KDM3B: variants seen among roughly 807,000 people sequenced by gnomAD.
The protein encoded by KDM3B is lysine-specific demethylase 3B.
In KDM3B, 10 loss-of-function variants were observed where a neutral mutation model predicts 170.0. The observed-to-expected ratio is 0.06, with a 90% confidence interval of 0.04 to 0.10. KDM3B has a LOEUF of 0.10. KDM3B is among the 10% of genes least tolerant of loss of function. The probability of loss-of-function intolerance (pLI) is 1.00; values close to 1 mark genes in which losing one functional copy is unlikely to be tolerated. For synonymous variants in KDM3B, 831 were observed against 834.8 expected (o/e 1.00, Z 0.08); for missense variants, 1,394 against 2,195.2 (o/e 0.64, Z 7.29).
chr5:138,390,312 A>G (rs1397391729), intron 7 of KDM3B, among the ~76,000 whole-genome samples: 2 of 152,104 alleles, frequency 1.3e-5, no homozygotes, highest in African/African-American at 4.8e-5. Context: ...TTGGATTCTT[A>G]TTAGATTCTA....
intron 11 of KDM3B, among the ~76,000 whole-genome samples, chr5:138,414,399 T>C (rs1311250180): frequency 6.6e-6 from 1 of 151,954 alleles, no homozygotes; most frequent in Non-Finnish European, 1.5e-5. Flanking sequence ...TCTCCTGACG[T>C]CATGATCCGC....
intron 7 of KDM3B, 77 bp from the exon 8 acceptor site, chr5:138,390,936 A>G (rs1245122629): frequency 7.5e-7 from 1 of 1,339,938 alleles, no homozygotes; most frequent in Non-Finnish European, 1.0e-6. Context: ...TGATCTGGTG[A>G]TAGTGAGGTC....
intron 1 of KDM3B, 59 bp from the exon 2 acceptor site, chr5:138,372,615 T>C (rs1265556556): frequency 7.1e-7 from 1 of 1,415,146 alleles, no homozygotes; most frequent in Non-Finnish European, 9.8e-7. Flanking sequence ...TGTTCATTTA[T>C]AAGTATAGTG....
At position 138,391,807 on chromosome 5, in the gene KDM3B, C is replaced by T; in HGVS notation, c.2175C>T (p.Ser725=). 1 of 1,614,100 alleles carries T rather than the reference C, an allele frequency of 6.2e-7. No individual in the cohort carries two copies. Among genetic ancestry groups the T allele is most frequent in the Non-Finnish European group, 8.5e-7 (1 of 1,180,020 alleles). ...PSLSAMGNGR[S]SSPTSSLTQP... is the part of the protein sequence containing the mutation. Reference sequence around the variant, plus strand: ...TCTCTGCCATGGGGAATGGCCGCTCCAGCTCGCCCACCAGCAGCCTCACTC... The same window carrying T: ...TCTCTGCCATGGGGAATGGCCGCTCTAGCTCGCCCACCAGCAGCCTCACTC... The change falls in exon 8 of 24, where the codon TCC becomes TCT. Residue 725 remains serine (S), a synonymous_variant. Coordinates refer to ENST00000314358, the MANE Select transcript of KDM3B (RefSeq NM_016604.4). The surrounding 1 kb of genome is among the most constrained non-coding windows in gnomAD (Gnocchi z 5.0).
chr5:138,355,305 T>G (rs1359920778), intron 1 of KDM3B, among the ~76,000 whole-genome samples: 1 of 152,230 alleles, frequency 6.6e-6, no homozygotes, highest in East Asian at 1.9e-4. Context: ...CACTTCTTAA[T>G]TTTAGATTCC....
chr5:138,355,196 C>G (rs897074021), intron 1 of KDM3B, among the ~76,000 whole-genome samples: 3 of 152,180 alleles, frequency 2.0e-5, no homozygotes, highest in African/African-American at 7.2e-5. Context: ...AAGATGTTTT[C>G]AGGCATGCTT....
chr5:138,376,476 G>A (rs1329834825), intron 3 of KDM3B, among the ~76,000 whole-genome samples: 1 of 151,868 alleles, frequency 6.6e-6, no homozygotes, highest in African/African-American at 2.4e-5. Flanking sequence ...AGGCCGAGAC[G>A]GGCGGATCAT....
chr5:138,373,690 G>A (rs2126924036), intron 2 of KDM3B, among the ~76,000 whole-genome samples: 1 of 152,162 alleles, frequency 6.6e-6, no homozygotes, highest in African/African-American at 2.4e-5. Flanking sequence ...TCATCATGTT[G>A]CCTAGGCTGG....
Position 138,420,898 on chromosome 5 carries a change from A to G in KDM3B, c.3908A>G (p.Lys1303Arg). The G allele has an allele frequency of 1.2e-6, 2 of 1,614,024 alleles. No homozygotes were observed. The highest frequency in any genetic ancestry group is 1.7e-6 in the Non-Finnish European group (2 of 1,179,992). The change falls in exon 15 of 24, where the codon AAA becomes AGA. Residue 1303 changes from lysine to arginine, a missense_variant. Around this residue, in one of 19 missense-constraint regions of KDM3B, gnomAD observed 137 missense variants for 166.9 expected, o/e 0.82. Transcript: ENST00000314358. Reference protein sequence around the residue: ...LRDLLHSGPGKLPQTPLDTGI... With the variant: ...LRDLLHSGPGRLPQTPLDTGI... ...GACCTCCTTCACTCCGGGCCGGGAA[A>G]ACTTCCTCAAACCCCCTTGGACACA...
chr5:138,399,793 G>A (rs1183260396), intron 10 of KDM3B, 67 bp from the exon 11 acceptor site: 3 of 1,471,540 alleles, frequency 2.0e-6, no homozygotes, highest in African/African-American at 1.4e-5. Context: ...GTAGGGATCA[G>A]TGGGTCTGGG....
chr5:138,381,294 A>G (rs1412604440), intron 5 of KDM3B, among the ~76,000 whole-genome samples: 2 of 152,254 alleles, frequency 1.3e-5, no homozygotes, highest in African/African-American at 2.4e-5. Context: ...ACAGTTGGAC[A>G]TGAATTCACT....
intron 2 of KDM3B, 52 bp from the exon 3 acceptor site, chr5:138,375,041 C>A: frequency 1.1e-6 from 1 of 918,402 alleles, no homozygotes; most frequent in South Asian, 1.3e-5. Context: ...GTTTGAATTG[C>A]TGTTTTTTTA....
chr5:138,362,551 TACACACACACACACACACACAC>T (rs370412367), intron 1 of KDM3B, among the ~76,000 whole-genome samples: 6 of 124,684 alleles, frequency 4.8e-5, no homozygotes, highest in Non-Finnish European at 1.1e-4. Context: ...TATATGTGTA[TACACACACACACACACACACAC>T]ACACACACAC....
chr5:138,393,463 AT>A, intron 9 of KDM3B, 91 bp downstream of exon 9: 1 of 1,116,022 alleles, frequency 9.0e-7, no homozygotes. Flanking sequence ...ATGTTTCATC[AT>A]CTTGGTCTTT....
intron 1 of KDM3B, among the ~76,000 whole-genome samples, chr5:138,356,076 C>T (rs1761441292): frequency 6.6e-6 from 1 of 151,992 alleles, no homozygotes; most frequent in African/African-American, 2.4e-5. Flanking sequence ...TGGTAACTAC[C>T]TTATATTCCA....
chr5:138,435,960 A>T lies in KDM3B; in HGVS notation c.*260A>T, dbSNP rs1049164479. 4.7e-6 allele frequency: 2 copies of T among 423,882 alleles called. No individual in the cohort carries two copies. The highest frequency in any genetic ancestry group is 4.0e-5 in the African/African-American group (2 of 49,438). The allele number at this position is 423,882 out of a possible 1,614,324, so 26.3% of individuals were successfully genotyped here. A position where few individuals can be genotyped will look rare whatever the true frequency, so the allele number is the denominator to read the frequency against. On this transcript the variant is annotated 3_prime_UTR_variant, in exon 24 of 24. Coordinates refer to ENST00000314358, the MANE Select transcript of KDM3B (RefSeq NM_016604.4). The stretch of plus-strand genomic sequence containing the variant: ...TATCCTGTGGCCTTTTGGAAATCCA[A>T]ATTGCCTGAACATGGCGGGGCTTTC...
intron 23 of KDM3B, among the ~76,000 whole-genome samples, chr5:138,434,415 G>A (rs1763621522): frequency 1.3e-5 from 2 of 152,230 alleles, no homozygotes; most frequent in South Asian, 4.2e-4. Flanking sequence ...AGGCATGGTG[G>A]TGGGCGCCTG....
intron 2 of KDM3B, among the ~76,000 whole-genome samples, chr5:138,374,700 C>T (rs1761954130): frequency 6.6e-6 from 1 of 152,110 alleles, no homozygotes; most frequent in South Asian, 2.1e-4. Flanking sequence ...CATATTTATG[C>T]TGTTAATTAT....
chr5:138,380,110 CTG>C (rs907907654), intron 5 of KDM3B, among the ~76,000 whole-genome samples: 2 of 152,094 alleles, frequency 1.3e-5, no homozygotes, highest in African/African-American at 4.8e-5. Context: ...ACCTCACCCT[CTG>C]GAGTAGCTGG....
Sources: allele counts gnomAD v4.1 joint callset (sites outside exome capture counted in the v4.1 genomes callset), GRCh38; gene constraint gnomAD v4.1.1; regional missense constraint gnomAD v4.1.1; non-coding constraint Gnocchi (gnomAD v3.1); transcripts MANE v1.5; gene names NCBI Gene and HGNC (gene_info 2026-07-23, HGNC 2026-07-21).